Variants in ANKRD30BL observed in about 807,000 individuals in gnomAD.
ANKRD30BL encodes ankyrin repeat domain 30B like, also known as putative ankyrin repeat domain-containing protein 30B-like.
In ANKRD30BL, 20 loss-of-function variants were observed where a neutral mutation model predicts 18.4. That is an observed-to-expected ratio of 1.09 (90% CI 0.77 to 1.58). ANKRD30BL has a LOEUF of 1.58. ANKRD30BL is among the 40% of genes most tolerant of loss of function. The probability of loss-of-function intolerance (pLI) is 0.00; values close to 1 mark genes in which losing one functional copy is unlikely to be tolerated. For synonymous variants in ANKRD30BL, 72 were observed against 100.9 expected, an observed-to-expected ratio of 0.71 and a Z score of 1.72; for missense variants, 224 against 268.6, an observed-to-expected ratio of 0.83 and a Z score of 1.16.
At chr2:132,149,439 C>A (rs1036281311) in intron 5 of ANKRD30BL, among the ~76,000 whole-genome samples, 1 of 152,110 alleles carries the variant, frequency 6.6e-6, no homozygotes, top group Non-Finnish European at 1.5e-5. Flanking sequence ...ATAGTGAGAC[C>A]TTGTTGGTAC....
intron 1 of ANKRD30BL, among the ~76,000 whole-genome samples, chr2:132,252,394 G>T (rs551029625): frequency 0.026 from 3,912 of 152,318 alleles, 59 homozygotes; most frequent in African/African-American, 0.032. Context: ...CTGGCGGTGG[G>T]CACACGATGG....
intron 3 of ANKRD30BL, chr2:132,155,244 TGA>T (rs1687870216): frequency 6.6e-6 from 1 of 152,296 alleles, no homozygotes; most frequent in Non-Finnish European, 1.5e-5. Context: ...TATAAAACTG[TGA>T]ATTAAATATT....
intron 1 of ANKRD30BL, among the ~76,000 whole-genome samples, chr2:132,202,635 T>A (rs1428463435): frequency 2.6e-5 from 4 of 152,176 alleles, no homozygotes; most frequent in Non-Finnish European, 4.4e-5. Flanking sequence ...TTAATTTGGG[T>A]AAAAAAATTT....
chr2:132,160,963 A>C (rs1688040482), intron 1 of ANKRD30BL, among the ~76,000 whole-genome samples: 1 of 148,294 alleles, frequency 6.7e-6, no homozygotes, highest in Non-Finnish European at 1.5e-5. Flanking sequence ...TTCCCACCTC[A>C]AAGTTACCTT....
chr2:132,239,534 G>A (rs560793525), intron 1 of ANKRD30BL, among the ~76,000 whole-genome samples: 155 of 152,026 alleles, frequency 1.0e-3, no homozygotes, highest in African/African-American at 3.6e-3. Context: ...AACTCACAGA[G>A]TTGAGCTATT....
intron 1 of ANKRD30BL, among the ~76,000 whole-genome samples, chr2:132,199,689 C>G (rs1378226678): frequency 6.6e-6 from 1 of 151,818 alleles, no homozygotes; most frequent in Non-Finnish European, 1.5e-5. Context: ...TCTTTATATA[C>G]TTTTATTTAA....
intron 5 of ANKRD30BL, among the ~76,000 whole-genome samples, chr2:132,150,190 C>G (rs1398525804): frequency 3.5e-5 from 5 of 141,092 alleles, no homozygotes; most frequent in African/African-American, 1.5e-4. Context: ...TCAAGACCAG[C>G]CTGGGCAACA....
chr2:132,214,514 AG>A (rs1324664895), intron 1 of ANKRD30BL, among the ~76,000 whole-genome samples: 2 of 151,964 alleles, frequency 1.3e-5, no homozygotes, highest in African/African-American at 4.8e-5. Context: ...CACAAAAAAA[AG>A]ACAGAAGCAT....
At chr2:132,215,283 C>T (rs56405856) in intron 1 of ANKRD30BL, among the ~76,000 whole-genome samples, 3 of 152,336 alleles carry the variant, frequency 2.0e-5, no homozygotes. Flanking sequence ...AGTTTGGAAA[C>T]ACTCTTTTTG....
intron 4 of ANKRD30BL, among the ~76,000 whole-genome samples, chr2:132,154,125 T>C (rs998435232): frequency 7.9e-5 from 12 of 152,082 alleles, no homozygotes; most frequent in African/African-American, 2.9e-4. Context: ...GCCACCATGG[T>C]TGGCTAATTT....
intron 1 of ANKRD30BL, among the ~76,000 whole-genome samples, chr2:132,228,227 G>C (rs4275316): frequency 1.3e-5 from 2 of 152,068 alleles, no homozygotes; most frequent in East Asian, 1.9e-4. Context: ...CATTTGGAGC[G>C]CTTTGAGGCC....
In ANKRD30BL at chr2:132,167,511, C is replaced by T. The variant is rs553414841; in HGVS notation, n.442-10365G>A. 2.6e-4 allele frequency among the ~76,000 whole-genome samples: 40 copies of T among 152,034 alleles called. No individual in the cohort carries two copies. The East Asian group carries it at 6.8e-3, about 26-fold the overall frequency. ...CTAACTTTTGTATTTTTAATAGAGA[C>T]GGTGTTTCATCATGTTGGTCGGGCT... On this transcript the variant is annotated intron_variant and non_coding_transcript_variant, in intron 1 of 4. Transcript: ENST00000470729.
In ANKRD30BL at chr2:132,171,133, A is replaced by G. The variant is rs1019012945; in HGVS notation, n.442-13987T>C. 1.6e-4 allele frequency among the ~76,000 whole-genome samples: 23 copies of G among 145,876 alleles called. 1 individual carries two copies. The highest frequency in any genetic ancestry group is 3.0e-5 in the Non-Finnish European group (2 of 67,352). On this transcript the variant is annotated intron_variant and non_coding_transcript_variant, in intron 1 of 4. Transcript: ENST00000470729. ...TCGCACCACTGTACTCCAGCCTGGG[A>G]GACAGAGCCAGACTCTGTCTCAAAA...
chr2:132,178,110 A>T (rs1688396377), intron 1 of ANKRD30BL, among the ~76,000 whole-genome samples: 1 of 152,236 alleles, frequency 6.6e-6, no homozygotes, highest in African/African-American at 2.4e-5. Flanking sequence ...TGAATTCACC[A>T]GTAAGTTTAA....
At chr2:132,203,105 C>T (rs557856628) in intron 1 of ANKRD30BL, among the ~76,000 whole-genome samples, 1 of 152,402 alleles carries the variant, frequency 6.6e-6, no homozygotes, top group African/African-American at 2.4e-5. Context: ...CACAAACCAC[C>T]CACCCCTGCT....
intron 1 of ANKRD30BL, among the ~76,000 whole-genome samples, chr2:132,236,528 T>A (rs1170195875): frequency 6.6e-6 from 1 of 152,108 alleles, no homozygotes; most frequent in East Asian, 1.9e-4. Context: ...GAAAAAATGC[T>A]CATCATCACT....
rs549835225 is a variant in ANKRD30BL, at chr2:132,199,908, C to T, written n.442-42762G>A. On this transcript the variant is annotated intron_variant and non_coding_transcript_variant, in intron 1 of 4. Transcript: ENST00000470729. The stretch of plus-strand genomic sequence containing the variant: ...CCTTGATGAACATTGATGCAAAAAT[C>T]CTCAATGAAATACTGGCAAAACGAA... Among the ~76,000 whole-genome samples the T allele has an allele frequency of 3.3e-5, 5 of 152,196 alleles. No individual in the cohort carries two copies. The East Asian group carries it at 9.7e-4, about 29-fold the overall frequency.
intron 1 of ANKRD30BL, among the ~76,000 whole-genome samples, chr2:132,198,305 TTTC>T (rs1679011692): frequency 6.3e-5 from 1 of 15,878 alleles, no homozygotes; most frequent in Non-Finnish European, 1.5e-4. Context: ...TCTTTCTTTC[TTTC>T]TTTCTTTCTT....
intron 1 of ANKRD30BL, among the ~76,000 whole-genome samples, chr2:132,227,304 A>C (rs565632817): frequency 6.6e-6 from 1 of 152,284 alleles, no homozygotes; most frequent in African/African-American, 2.4e-5. Flanking sequence ...AACAGTTTTG[A>C]AACATTCTTT....
Sources: allele counts gnomAD v4.1 joint callset (sites outside exome capture counted in the v4.1 genomes callset), GRCh38; gene constraint gnomAD v4.1.1; transcripts MANE v1.5; gene names NCBI Gene and HGNC (gene_info 2026-07-23, HGNC 2026-07-21).